SLC35A3: variants seen among roughly 807,000 people sequenced by gnomAD.
SLC35A3 encodes the protein UDP-N-acetylglucosamine transporter.
In SLC35A3, 26 loss-of-function variants were observed where a neutral mutation model predicts 39.0. That is an observed-to-expected ratio of 0.67 (90% CI 0.49 to 0.92). The LOEUF is 0.92. Ranked by LOEUF, SLC35A3 falls within the 40% of genes least tolerant of loss-of-function variation. SLC35A3 has a pLI of 0.00. For missense variants in SLC35A3, 299 were observed against 371.6 expected (o/e 0.80, Z 1.61); for synonymous variants, 135 against 133.1 (o/e 1.01, Z -0.10).
At chr1:99,986,651 A>G (rs1657758856) in intron 1 of SLC35A3, among the ~76,000 whole-genome samples, 1 of 152,024 alleles carries the variant, frequency 6.6e-6, no homozygotes, top group African/African-American at 2.4e-5. Context: ...GCAGTGGTAC[A>G]CAATCTTGGC....
intron 6 of SLC35A3, among the ~76,000 whole-genome samples, chr1:100,016,343 T>C (rs1298517487): frequency 6.1e-4 from 86 of 141,292 alleles, no homozygotes; most frequent in Middle Eastern, 9.1e-3. Context: ...GGATTACAGG[T>C]GTGAGCCACC....
intron 4 of SLC35A3, chr1:100,009,362 G>A (rs889200491): frequency 2.0e-5 from 3 of 152,182 alleles, no homozygotes; most frequent in African/African-American, 7.2e-5. Flanking sequence ...CTGTGGATAA[G>A]CACAAATAAG....
chr1:100,033,391 CTCTTA>C lies in SLC35A3; in HGVS notation c.*10917_*10921del, dbSNP rs1294748477. 7.4e-5 allele frequency: 11 copies of C among 148,054 alleles called. No individual in the cohort carries two copies. The highest frequency in any genetic ancestry group is 1.4e-4 in the Admixed American group (2 of 14,806). The allele number at this position is 148,054 out of a possible 1,614,324, so 9.2% of individuals were successfully genotyped here. ...TACCTATCCCTCCATTCCTAACCAT[CTCTTA>C]TAAGTAATTATTATCCATCTCTTAT... On this transcript the variant is annotated 3_prime_UTR_variant, in exon 8 of 8. Coordinates refer to ENST00000533028, the MANE Select transcript of SLC35A3 (RefSeq NM_012243.3).
intron 1 of SLC35A3, among the ~76,000 whole-genome samples, chr1:99,977,520 C>T (rs761863660): frequency 7.2e-6 from 1 of 138,156 alleles, no homozygotes; most frequent in Non-Finnish European, 1.5e-5. Flanking sequence ...CCAGCTTGGG[C>T]GACAAGAGTG....
At chr1:99,977,401 G>T (rs1041829562) in intron 1 of SLC35A3, among the ~76,000 whole-genome samples, 7 of 151,396 alleles carry the variant, frequency 4.6e-5, no homozygotes, top group African/African-American at 1.7e-4. Context: ...GGGCGTGGTG[G>T]CAGGTGCCTG....
At position 100,012,932 on chromosome 1, in the gene SLC35A3, G is replaced by A. The variant is rs560153143; in HGVS notation, c.634+1399G>A. 5.3e-5 allele frequency among the ~76,000 whole-genome samples: 8 copies of A among 152,300 alleles called. No homozygotes were observed. In the East Asian group the frequency reaches 1.5e-3, roughly 29 times the overall value. ...TTACCAGTAGTGTGAGCTTGGGCAAGTTATGTAACCTCTCTGTGCTTCAGT... is the reference window on the plus strand; with the variant it reads ...TTACCAGTAGTGTGAGCTTGGGCAAATTATGTAACCTCTCTGTGCTTCAGT... On this transcript the variant is annotated intron_variant, in intron 5 of 7. Transcript: ENST00000533028.
In SLC35A3 at chr1:100,027,357, CAGA is replaced by C. The variant is rs1331238557; in HGVS notation, c.*4884_*4886del. On this transcript the variant is annotated 3_prime_UTR_variant, in exon 8 of 8. Transcript: ENST00000533028. Reference sequence around the variant, plus strand: ...GGGCCAGCTACTCAGGAGGCTGAGGCAGAAGGATTGCTTGAGCCCAGCAATTTG... The same window carrying C: ...GGGCCAGCTACTCAGGAGGCTGAGGCAGGATTGCTTGAGCCCAGCAATTTG... The C allele has an allele frequency of 3.6e-5, 14 of 390,618 alleles. No individual in the cohort carries two copies. Among genetic ancestry groups the C allele is most frequent in the Middle Eastern group, 6.4e-4 (1 of 1,570 alleles). The allele number at this position is 390,618 out of a possible 1,614,324, so 24.2% of individuals were successfully genotyped here.
chr1:100,009,693 G>A (rs1373950943), intron 4 of SLC35A3: 1 of 152,254 alleles, frequency 6.6e-6, no homozygotes, highest in Non-Finnish European at 1.5e-5. Context: ...AGTGATGTAA[G>A]AGTTGTTCCA....
chr1:100,006,341 A>C (rs961362476), intron 3 of SLC35A3, among the ~76,000 whole-genome samples: 2 of 152,042 alleles, frequency 1.3e-5, no homozygotes, highest in African/African-American at 4.8e-5. Context: ...GTGCTGCTTG[A>C]GGTAGCAGTG....
rs540222478 is a variant in SLC35A3, at chr1:100,028,687, A to G, written c.*6211A>G. 7 of 152,320 alleles carry G rather than the reference A, an allele frequency of 4.6e-5. No homozygotes were observed. Among genetic ancestry groups the G allele is most frequent in the South Asian group, 2.1e-4 (1 of 4,828 alleles). The allele number at this position is 152,320 out of a possible 1,614,324, so 9.4% of individuals were successfully genotyped here. ...ATTCCTTTAAGGCAGGACCGATTAC[A>G]TATACACTCTAGAAAAGAAAATAGC... On this transcript the variant is annotated 3_prime_UTR_variant, in exon 8 of 8. Transcript: ENST00000533028.
At chr1:99,997,882 C>G (rs1447435496) in intron 2 of SLC35A3, among the ~76,000 whole-genome samples, 1 of 152,028 alleles carries the variant, frequency 6.6e-6, no homozygotes, top group Non-Finnish European at 1.5e-5. Flanking sequence ...ACTGGAAGGT[C>G]TTTAAAAGAT....
intron 1 of SLC35A3, among the ~76,000 whole-genome samples, chr1:99,980,579 C>T (rs1657398777): frequency 6.6e-6 from 1 of 152,128 alleles, no homozygotes; most frequent in Non-Finnish European, 1.5e-5. Flanking sequence ...GGAAATTTTG[C>T]AGCCTATGAA....
intron 1 of SLC35A3, among the ~76,000 whole-genome samples, chr1:99,981,799 C>T (rs1032880521): frequency 1.3e-5 from 2 of 151,726 alleles, no homozygotes; most frequent in African/African-American, 4.8e-5. Context: ...AATTTTAGTA[C>T]AGTTTTAAAA....
At chr1:100,020,014 A>T (rs1371314452) in intron 7 of SLC35A3, among the ~76,000 whole-genome samples, 1 of 152,206 alleles carries the variant, frequency 6.6e-6, no homozygotes, top group Non-Finnish European at 1.5e-5. Context: ...GAGTGCATGA[A>T]TGAGACACAA....
At position 100,022,919 on chromosome 1, in the gene SLC35A3, A is replaced by T. The variant is rs1002532247; in HGVS notation, c.*443A>T. 11 of 152,730 alleles carry T rather than the reference A, an allele frequency of 7.2e-5. No individual in the cohort carries two copies. The highest frequency in any genetic ancestry group is 2.7e-4 in the African/African-American group (11 of 41,474). 9.5% of individuals were successfully genotyped at this position (152,730 alleles called of 1,614,324 possible). The stretch of plus-strand genomic sequence containing the variant: ...GTTTGAAAATTATAATTACCTATAA[A>T]GCTGTGAAAAATAGAAGTATAATTT... On this transcript the variant is annotated 3_prime_UTR_variant, in exon 8 of 8. Coordinates refer to ENST00000533028, the MANE Select transcript of SLC35A3 (RefSeq NM_012243.3).
intron 2 of SLC35A3, among the ~76,000 whole-genome samples, chr1:99,997,409 T>TA (rs1386036810): frequency 0.013 from 808 of 63,594 alleles, 44 homozygotes; most frequent in African/African-American, 0.022. Context: ...TATATATAGT[T>TA]TTATATATAT....
chr1:100,013,388 G>A (rs537953263), intron 5 of SLC35A3, among the ~76,000 whole-genome samples: 1 of 150,208 alleles, frequency 6.7e-6, no homozygotes, highest in African/African-American at 2.5e-5. Context: ...CGAGGCAGGT[G>A]GATTGTTTGA....
chr1:100,027,512 G>C lies in SLC35A3; in HGVS notation c.*5036G>C. The C allele has an allele frequency of 4.1e-6, 1 of 243,394 alleles. No individual in the cohort carries two copies. The highest frequency in any genetic ancestry group is 2.2e-5 in the African/African-American group (1 of 45,206). 15.1% of individuals were successfully genotyped at this position (243,394 alleles called of 1,614,324 possible). A position where few individuals can be genotyped will look rare whatever the true frequency, so the allele number is the denominator to read the frequency against. On this transcript the variant is annotated 3_prime_UTR_variant, in exon 8 of 8. Coordinates refer to ENST00000533028, the MANE Select transcript of SLC35A3 (RefSeq NM_012243.3). ...AGACTGGGTTTATTTAAGCTAGTTAGAATTTATCTTTCTATATGTTAATAA... is the reference window on the plus strand; with the variant it reads ...AGACTGGGTTTATTTAAGCTAGTTACAATTTATCTTTCTATATGTTAATAA...
At chr1:99,993,398 T>TTTTTTTC (rs1345225311) in intron 1 of SLC35A3, 139 bp from the exon 2 acceptor site, 1 of 627,268 alleles carries the variant, frequency 1.6e-6, no homozygotes, top group Non-Finnish European at 2.7e-6. Flanking sequence ...GGTTTCTGTT[T>TTTTTTTC]TTTTTTCTTT....
Sources: allele counts gnomAD v4.1 joint callset (sites outside exome capture counted in the v4.1 genomes callset), GRCh38; gene constraint gnomAD v4.1.1; transcripts MANE v1.5; gene names NCBI Gene and HGNC (gene_info 2026-07-23, HGNC 2026-07-21).